Variants in ITSN1 observed in about 807,000 individuals in gnomAD.
ITSN1 encodes the protein intersectin 1.
A neutral mutation model predicts 239.8 loss-of-function variants in ITSN1; 58 were observed. The observed-to-expected ratio is 0.24, with a 90% CI of 0.20 to 0.30. The LOEUF (loss-of-function observed/expected upper bound fraction) is 0.30, where lower values mean the gene tolerates loss of function less well. Among genes scored for constraint, ITSN1 ranks in the 10% least tolerant of loss-of-function variants. The pLI, the probability that ITSN1 is intolerant of heterozygous loss-of-function variation, is 1.00. For missense variants in ITSN1, 1,558 were observed against 2,103.3 expected (o/e 0.74, Z 5.07); for synonymous variants, 780 against 770.8 (o/e 1.01, Z -0.20).
At chr21:33,728,407 A>G (rs1035304030) in intron 4 of ITSN1, among the ~76,000 whole-genome samples, 1 of 149,928 alleles carries the variant, frequency 6.7e-6, no homozygotes, top group Non-Finnish European at 1.5e-5. Context: ...TAATTTTTGT[A>G]TTTTTAGTAG....
chr21:33,729,921 G>C (rs1205023997), intron 4 of ITSN1, among the ~76,000 whole-genome samples: 1 of 152,116 alleles, frequency 6.6e-6, no homozygotes, highest in Admixed American at 6.5e-5. Flanking sequence ...TTGAAGTCCT[G>C]CGTTTTTATT....
At chr21:33,848,009 C>G (rs1002622684) in intron 29 of ITSN1, among the ~76,000 whole-genome samples, 6 of 152,198 alleles carry the variant, frequency 3.9e-5, no homozygotes, top group African/African-American at 9.6e-5. Context: ...CAGTGTGTGG[C>G]CAAACTCCAG....
chr21:33,745,854 G>A lies in ITSN1; in HGVS notation c.347-4289G>A, dbSNP rs144944894. Among the ~76,000 whole-genome samples, 276 of 152,328 alleles carry A rather than the reference G, an allele frequency of 1.8e-3. 1 individual carries two copies. The highest frequency in any genetic ancestry group is 6.5e-3 in the African/African-American group (270 of 41,584). ...CGGAGACCAGGGTGGGCCCGAGTCA[G>A]CTGCAAACTCCTGACTAGCCCTCAA... On this transcript the variant is annotated intron_variant, in intron 5 of 39. Transcript: ENST00000381318.
At chr21:33,765,567 G>A (rs1451242148) in intron 9 of ITSN1, among the ~76,000 whole-genome samples, 2 of 152,108 alleles carry the variant, frequency 1.3e-5, no homozygotes, top group Non-Finnish European at 2.9e-5. Flanking sequence ...CATCAGCCTG[G>A]GTAACAGTGA....
At chr21:33,750,889 G>C (rs1037394371) in intron 6 of ITSN1, among the ~76,000 whole-genome samples, 1 of 152,148 alleles carries the variant, frequency 6.6e-6, no homozygotes, top group African/African-American at 2.4e-5. Flanking sequence ...TAAAACTGTA[G>C]ATGTAGATAG....
chr21:33,682,949 A>G (rs1333342081), intron 1 of ITSN1, among the ~76,000 whole-genome samples: 1 of 152,190 alleles, frequency 6.6e-6, no homozygotes, highest in East Asian at 1.9e-4. Flanking sequence ...CGTAGATGAA[A>G]TAGACAAGTA....
At chr21:33,756,222 C>T (rs766661499) in intron 8 of ITSN1, among the ~76,000 whole-genome samples, 1 of 135,528 alleles carries the variant, frequency 7.4e-6, no homozygotes, top group African/African-American at 2.8e-5. Context: ...ACCTGGGAGG[C>T]GGTTGCAGTG....
intron 31 of ITSN1, among the ~76,000 whole-genome samples, chr21:33,860,746 G>C (rs60378852): frequency 6.6e-6 from 1 of 152,066 alleles, no homozygotes; most frequent in Non-Finnish European, 1.5e-5. Context: ...TAGAGACTCC[G>C]CCCAGTCCTG....
chr21:33,835,907 G>A (rs1319079706), intron 28 of ITSN1, among the ~76,000 whole-genome samples: 1 of 152,186 alleles, frequency 6.6e-6, no homozygotes, highest in Non-Finnish European at 1.5e-5. Flanking sequence ...CTCCAGCGTG[G>A]GCAACAGAGC....
At chr21:33,780,497 T>G (rs1414025567) in intron 14 of ITSN1, among the ~76,000 whole-genome samples, 1 of 152,212 alleles carries the variant, frequency 6.6e-6, no homozygotes, top group Admixed American at 6.5e-5. Context: ...TAGGAGAAGA[T>G]GCTTCTAAAT....
Position 33,774,868 on chromosome 21 carries a change from TAGA to T in ITSN1, c.1448_1450del (p.Glu483del). 6.2e-7 allele frequency: 1 copy of T among 1,611,948 alleles called. No individual in the cohort carries two copies. The highest frequency in any genetic ancestry group is 8.5e-7 in the Non-Finnish European group (1 of 1,179,408). ...AAGAAAAAGACTTTGGAATTTGAAT[TAGA>T]AGCTCTAGTGAGTGAAGTTTGGTTA... On this transcript the variant is annotated inframe_deletion, in exon 13 of 40. Coordinates refer to ENST00000381318, the MANE Select transcript of ITSN1 (RefSeq NM_003024.3).
At chr21:33,737,340 C>G (rs1048774045) in intron 5 of ITSN1, among the ~76,000 whole-genome samples, 1 of 152,158 alleles carries the variant, frequency 6.6e-6, no homozygotes, top group African/African-American at 2.4e-5. Flanking sequence ...CCAGACTTCT[C>G]CCTGTCTTTC....
At chr21:33,663,023 A>G (rs2089676976) in intron 1 of ITSN1, among the ~76,000 whole-genome samples, 1 of 152,244 alleles carries the variant, frequency 6.6e-6, no homozygotes, top group Non-Finnish European at 1.5e-5. Flanking sequence ...ACATTATAAA[A>G]CAAGATTTGG....
intron 1 of ITSN1, among the ~76,000 whole-genome samples, chr21:33,665,765 G>T (rs1309447387): frequency 6.6e-6 from 1 of 152,150 alleles, no homozygotes; most frequent in Non-Finnish European, 1.5e-5. Flanking sequence ...GGACAATGTG[G>T]CATATTCATA....
intron 18 of ITSN1, among the ~76,000 whole-genome samples, chr21:33,798,134 G>T (rs1206033878): frequency 6.6e-6 from 1 of 151,882 alleles, no homozygotes; most frequent in Non-Finnish European, 1.5e-5. Context: ...GTCTCACTCT[G>T]TCGCCTAGGC....
chr21:33,798,915 G>T (rs1602301077), intron 18 of ITSN1, among the ~76,000 whole-genome samples: 3 of 152,078 alleles, frequency 2.0e-5, no homozygotes, highest in Admixed American at 1.3e-4. Flanking sequence ...TTTCACCATT[G>T]ATCTTAGGAA....
At chr21:33,837,033 G>A (rs144063251) in intron 29 of ITSN1, 1 of 1,612,934 alleles carries the variant, frequency 6.2e-7, no homozygotes, top group African/African-American at 1.3e-5. Context: ...AGTCCTCAAA[G>A]AGACCCACTA....
At chr21:33,647,939 A>C (rs1165057176) in intron 1 of ITSN1, among the ~76,000 whole-genome samples, 1 of 152,244 alleles carries the variant, frequency 6.6e-6, no homozygotes, top group Non-Finnish European at 1.5e-5. Context: ...CATTAGGATA[A>C]ATTTCTACAA....
chr21:33,896,434 T>A lies in ITSN1; in HGVS notation c.*8134T>A, dbSNP rs1986784846. The A allele has an allele frequency of 6.6e-6, 1 of 152,296 alleles. No homozygotes were observed. The highest frequency in any genetic ancestry group is 6.5e-5 in the Admixed American group (1 of 15,280). The allele number at this position is 152,296 out of a possible 1,614,324, so 9.4% of individuals were successfully genotyped here. On this transcript the variant is annotated 3_prime_UTR_variant, in exon 40 of 40. Transcript: ENST00000381318. ...GAAGCAGGGTCATAGAAGTGCTCAG[T>A]GTCCCTTCCCCAGTGGCTGGACACT...
Sources: allele counts gnomAD v4.1 joint callset (sites outside exome capture counted in the v4.1 genomes callset), GRCh38; gene constraint gnomAD v4.1.1; transcripts MANE v1.5; gene names NCBI Gene and HGNC (gene_info 2026-07-23, HGNC 2026-07-21).